PPFIA2: variants seen among roughly 807,000 people sequenced by gnomAD.
The protein encoded by PPFIA2 is liprin-alpha-2.
In PPFIA2, 46 loss-of-function variants were observed where a neutral mutation model predicts 175.5. The observed-to-expected ratio is 0.26, with a 90% CI of 0.21 to 0.34. PPFIA2 has a LOEUF of 0.34. Ranked by LOEUF, PPFIA2 falls within the 10% of genes least tolerant of loss-of-function variation. PPFIA2 has a pLI of 1.00. For synonymous variants in PPFIA2, 568 were observed against 511.4 expected (o/e 1.11, Z -1.49); for missense variants, 1,179 against 1,506.1 (o/e 0.78, Z 3.60).
intron 7 of PPFIA2, among the ~76,000 whole-genome samples, chr12:81,411,432 CA>C: frequency 6.6e-6 from 1 of 152,038 alleles, no homozygotes; most frequent in African/African-American, 2.4e-5. Context: ...CACTCTCAAA[CA>C]CGTTATATTT....
intron 5 of PPFIA2, among the ~76,000 whole-genome samples, chr12:81,451,422 C>A (rs10862313): frequency 0.35 from 52,588 of 151,752 alleles, 10,066 homozygotes; most frequent in East Asian, 0.53. Context: ...CAGAGAGGAA[C>A]CATGCTGGGA....
At chr12:81,425,218 G>A (rs2046936533) in intron 7 of PPFIA2, among the ~76,000 whole-genome samples, 3 of 152,170 alleles carry the variant, frequency 2.0e-5, no homozygotes, top group Admixed American at 2.0e-4. Flanking sequence ...GGTAGGGAAA[G>A]GTAAGTAAGT....
At position 81,655,883 on chromosome 12, in the gene PPFIA2, G is replaced by A. The variant is rs565952046; in HGVS notation, c.303+20908C>T. Among the ~76,000 whole-genome samples the A allele has an allele frequency of 3.3e-5, 5 of 151,992 alleles. No homozygotes were observed. The South Asian group carries it at 1.0e-3, about 32-fold the overall frequency. The stretch of plus-strand genomic sequence containing the variant: ...AAATAAAATGTTCTACCATGATTGA[G>A]GCTTTTCTATTCTCCTTTTGATTCT... On this transcript the variant is annotated intron_variant, in intron 4 of 32. Transcript: ENST00000549396.
chr12:81,685,937 A>T (rs2153581364), intron 3 of PPFIA2, among the ~76,000 whole-genome samples: 1 of 152,176 alleles, frequency 6.6e-6, no homozygotes, highest in East Asian at 1.9e-4. Context: ...CTTAGCCATT[A>T]TTATTTCCAC....
chr12:81,270,608 A>G (rs1240829941), intron 28 of PPFIA2: 1 of 152,222 alleles, frequency 6.6e-6, no homozygotes, highest in Non-Finnish European at 1.5e-5. Context: ...TTGCCAGCAA[A>G]TCACCAGAAG....
At chr12:81,635,861 G>T (rs999029135) in intron 4 of PPFIA2, among the ~76,000 whole-genome samples, 2 of 151,928 alleles carry the variant, frequency 1.3e-5, no homozygotes. Flanking sequence ...ACTTTAAGAA[G>T]AACATGTGGA....
intron 8 of PPFIA2, among the ~76,000 whole-genome samples, chr12:81,399,450 C>A (rs892623427): frequency 6.6e-6 from 1 of 152,058 alleles, no homozygotes; most frequent in African/African-American, 2.4e-5. Context: ...GCACCCAGAG[C>A]GATTTGTTTT....
At chr12:81,366,584 A>G (rs1013253479) in intron 14 of PPFIA2, among the ~76,000 whole-genome samples, 1 of 151,698 alleles carries the variant, frequency 6.6e-6, no homozygotes, top group Non-Finnish European at 1.5e-5. Flanking sequence ...GGCATTTGGC[A>G]TCTGCTACCC....
intron 29 of PPFIA2, among the ~76,000 whole-genome samples, 184 bp downstream of exon 29, chr12:81,267,728 A>AT (rs137975780): frequency 0.088 from 6,857 of 77,672 alleles, 269 homozygotes; most frequent in African/African-American, 0.14. Flanking sequence ...TAATTGTATG[A>AT]TTTTTTTTTT....
intron 3 of PPFIA2, among the ~76,000 whole-genome samples, chr12:81,695,609 C>T (rs1279673097): frequency 6.6e-6 from 1 of 152,082 alleles, no homozygotes; most frequent in African/African-American, 2.4e-5. Flanking sequence ...TATTTCTTTG[C>T]AGCAATGCAA....
intron 7 of PPFIA2, among the ~76,000 whole-genome samples, chr12:81,436,920 T>C (rs890129958): frequency 2.0e-5 from 3 of 152,196 alleles, no homozygotes; most frequent in African/African-American, 7.2e-5. Flanking sequence ...AGCACGATAA[T>C]TACTAACAGA....
chr12:81,328,149 T>A (rs1436390902), intron 21 of PPFIA2, among the ~76,000 whole-genome samples: 1 of 152,184 alleles, frequency 6.6e-6, no homozygotes, highest in Admixed American at 6.5e-5. Flanking sequence ...TCTTTCCACA[T>A]ACTTGATAAA....
intron 4 of PPFIA2, among the ~76,000 whole-genome samples, chr12:81,660,887 A>G (rs2068720876): frequency 6.6e-6 from 1 of 152,214 alleles, no homozygotes; most frequent in Admixed American, 6.5e-5. Flanking sequence ...AGTGGGGGCC[A>G]ATATTCAACA....
chr12:81,437,207 T>G (rs545322555), intron 7 of PPFIA2, among the ~76,000 whole-genome samples: 1 of 152,270 alleles, frequency 6.6e-6, no homozygotes, highest in African/African-American at 2.4e-5. Context: ...AAGTAACTAC[T>G]TAGTTGCTAT....
intron 4 of PPFIA2, among the ~76,000 whole-genome samples, chr12:81,670,916 A>C (rs1454027742): frequency 6.6e-6 from 1 of 151,720 alleles, no homozygotes; most frequent in Non-Finnish European, 1.5e-5. Context: ...ACCTTTACTT[A>C]AGTGCTTTTC....
chr12:81,602,513 T>A (rs182078720), intron 4 of PPFIA2, among the ~76,000 whole-genome samples: 1 of 151,974 alleles, frequency 6.6e-6, no homozygotes, highest in East Asian at 1.9e-4. Flanking sequence ...GCATATATAC[T>A]AGAATAAAGA....
intron 28 of PPFIA2, among the ~76,000 whole-genome samples, chr12:81,268,468 A>T (rs1262610880): frequency 6.6e-6 from 1 of 152,186 alleles, no homozygotes; most frequent in African/African-American, 2.4e-5. Context: ...CCACTGGCTG[A>T]AATGAGCCAT....
chr12:81,651,211 G>GT (rs995990825), intron 4 of PPFIA2, among the ~76,000 whole-genome samples: 1 of 152,124 alleles, frequency 6.6e-6, no homozygotes, highest in African/African-American at 2.4e-5. Context: ...AGAAAAGTGA[G>GT]TTAATGGAAA....
At chr12:81,358,463 C>A (rs1355742937) in intron 15 of PPFIA2, among the ~76,000 whole-genome samples, 8 of 152,076 alleles carry the variant, frequency 5.3e-5, no homozygotes, top group Non-Finnish European at 1.0e-4. Context: ...GTGCTTATAA[C>A]CTTTCTGTTT....
Sources: gnomAD v4.1 joint callset for allele counts (sites outside exome capture counted in the v4.1 genomes callset) on GRCh38, gnomAD v4.1.1 for gene constraint, MANE v1.5 for transcripts, NCBI Gene and HGNC (gene_info 2026-07-23, HGNC 2026-07-21) for gene names.